The following LRP1B variants were observed in gnomAD, a reference collection of about 807,000 sequenced individuals.
LRP1B encodes the protein low-density lipoprotein receptor-related protein 1B.
A neutral mutation model predicts 556.6 loss-of-function variants in LRP1B; 217 were observed. The observed-to-expected ratio is 0.39, with a 90% CI of 0.35 to 0.44. LRP1B has a LOEUF of 0.44. Among genes scored for constraint, LRP1B ranks in the 20% least tolerant of loss-of-function variants. The probability of loss-of-function intolerance (pLI) is 1.00; values close to 1 mark genes in which losing one functional copy is unlikely to be tolerated. For synonymous variants in LRP1B, 2,047 were observed against 1,865.8 expected (o/e 1.10, Z -2.50); for missense variants, 5,053 against 5,620.8 (o/e 0.90, Z 3.23).
At chr2:140,239,664 C>A in intron 87 of LRP1B, 132 bp from the exon 88 acceptor site, 1 of 515,722 alleles carries the variant, frequency 1.9e-6, no homozygotes, top group South Asian at 3.5e-5. Context: ...GTTTATATTT[C>A]GGGTTCATAA....
chr2:141,012,199 G>A (rs1416418204), intron 14 of LRP1B, among the ~76,000 whole-genome samples: 2 of 151,948 alleles, frequency 1.3e-5, no homozygotes, highest in African/African-American at 4.8e-5. Flanking sequence ...GCAACTGGAA[G>A]CTTAAAAACT....
Position 140,297,986 on chromosome 2 carries a change from G to T in LRP1B, c.12806-17C>A, listed in dbSNP as rs1401254577. ...TGGGTCTCCCTATTGGAAACAATAA[G>T]TAATAAAAAGCAAATTATTCAACCA... On this transcript the variant is annotated splice_polypyrimidine_tract_variant and intron_variant, in intron 83 of 90. Transcript: ENST00000389484. The T allele has an allele frequency of 1.3e-6, 2 of 1,561,574 alleles. No homozygotes were observed. Among genetic ancestry groups the T allele is most frequent in the Non-Finnish European group, 1.7e-6 (2 of 1,146,238 alleles).
In LRP1B at chr2:140,818,042, A is replaced by T. The variant is rs537658741; in HGVS notation, c.5210-4236T>A. Among the ~76,000 whole-genome samples the T allele has an allele frequency of 4.2e-3, 634 of 151,834 alleles. 2 individuals carry two copies. Among genetic ancestry groups the T allele is most frequent in the African/African-American group, 0.015 (610 of 41,494 alleles). On this transcript the variant is annotated intron_variant, in intron 31 of 90. Transcript: ENST00000389484. Reference sequence around the variant, plus strand: ...CAGGTAATTTTGTGATATACAATTTAAAAAAAATTGTGTTAAACATTGCAT... The same window carrying T: ...CAGGTAATTTTGTGATATACAATTTTAAAAAAATTGTGTTAAACATTGCAT...
chr2:141,635,170 G>T (rs562096726), intron 2 of LRP1B, among the ~76,000 whole-genome samples: 1 of 151,822 alleles, frequency 6.6e-6, no homozygotes, highest in Non-Finnish European at 1.5e-5. Flanking sequence ...GCTGTTTTAG[G>T]ATTATACGTA....
intron 66 of LRP1B, among the ~76,000 whole-genome samples, chr2:140,386,715 C>T (rs1158848151): frequency 2.6e-5 from 4 of 152,182 alleles, no homozygotes; most frequent in South Asian, 2.1e-4. Context: ...TTAAATGGCA[C>T]AGCCAATATA....
chr2:141,897,999 C>T (rs1284616421), intron 1 of LRP1B, among the ~76,000 whole-genome samples: 1 of 152,098 alleles, frequency 6.6e-6, no homozygotes, highest in Admixed American at 6.6e-5. Flanking sequence ...TCTTATTGGG[C>T]CCAAATATCT....
intron 35 of LRP1B, among the ~76,000 whole-genome samples, chr2:140,742,932 G>T (rs938828638): frequency 1.3e-5 from 2 of 151,994 alleles, no homozygotes; most frequent in African/African-American, 4.8e-5. Context: ...TATTTAAAAG[G>T]CAAAACGGGT....
intron 59 of LRP1B, among the ~76,000 whole-genome samples, chr2:140,484,072 C>G (rs1455471905): frequency 1.3e-5 from 2 of 152,088 alleles, no homozygotes; most frequent in Non-Finnish European, 2.9e-5. Context: ...TATAAAGAGA[C>G]TTTCTAGTGA....
At chr2:141,005,487 A>G (rs2105374163) in intron 14 of LRP1B, 30 bp from the exon 15 acceptor site, 1 of 1,605,798 alleles carries the variant, frequency 6.2e-7, no homozygotes, top group Non-Finnish European at 8.5e-7. Flanking sequence ...AATGTGTCAG[A>G]GAACTCTGAT....
At chr2:140,364,503 C>T (rs1220176888) in intron 72 of LRP1B, among the ~76,000 whole-genome samples, 158 bp downstream of exon 72, 2 of 151,582 alleles carry the variant, frequency 1.3e-5, no homozygotes, top group African/African-American at 4.8e-5. Context: ...CGGATTATCC[C>T]TTTATTACCT....
chr2:141,186,863 T>G (rs1681280909), intron 7 of LRP1B, among the ~76,000 whole-genome samples: 1 of 152,030 alleles, frequency 6.6e-6, no homozygotes, highest in Non-Finnish European at 1.5e-5. Context: ...CAGTTTTATT[T>G]GAAAAGGGCC....
chr2:142,054,185 G>A (rs1253248016), intron 1 of LRP1B, among the ~76,000 whole-genome samples: 1 of 152,022 alleles, frequency 6.6e-6, no homozygotes, highest in Non-Finnish European at 1.5e-5. Flanking sequence ...TGACATATTG[G>A]AGGATGGTAA....
Position 140,345,861 on chromosome 2 carries a change from CAT to C in LRP1B, c.11892+4934_11892+4935del, listed in dbSNP as rs200666839. On this transcript the variant is annotated intron_variant, in intron 77 of 90. Coordinates refer to ENST00000389484, the MANE Select transcript of LRP1B (RefSeq NM_018557.3). ...ATACACATACACACACACACACACACATATATATATATATATAAAAAAAATAG... is the reference window on the plus strand; with the variant it reads ...ATACACATACACACACACACACACACATATATATATATATAAAAAAAATAG... Among the ~76,000 whole-genome samples the C allele has an allele frequency of 0.012, 1,672 of 137,852 alleles. 63 individuals carry two copies. In the East Asian group the frequency reaches 0.13, roughly 11 times the overall value. 90.4% of individuals were successfully genotyped at this position (137,852 alleles called of 152,430 possible).
At chr2:140,632,707 C>CA (rs1683930343) in intron 41 of LRP1B, among the ~76,000 whole-genome samples, 1 of 152,058 alleles carries the variant, frequency 6.6e-6, no homozygotes, top group African/African-American at 2.4e-5. Context: ...AATTAAAAGG[C>CA]AAAGATTGTC....
chr2:141,213,024 T>C (rs1484912021), intron 6 of LRP1B, among the ~76,000 whole-genome samples: 1 of 152,144 alleles, frequency 6.6e-6, no homozygotes, highest in African/African-American at 2.4e-5. Flanking sequence ...TGGAGTACAG[T>C]GGTTCAATCA....
At chr2:140,959,910 G>T (rs79018335) in intron 18 of LRP1B, among the ~76,000 whole-genome samples, 2,381 of 151,716 alleles carry the variant, frequency 0.016, 76 homozygotes, top group East Asian at 0.14. Flanking sequence ...ATTCACTATA[G>T]CAGTATATAA....
intron 35 of LRP1B, among the ~76,000 whole-genome samples, chr2:140,742,776 T>A: frequency 6.6e-6 from 1 of 152,012 alleles, no homozygotes; most frequent in East Asian, 1.9e-4. Flanking sequence ...ACTACAATAT[T>A]TTTTCTTAAA....
chr2:141,590,365 G>C (rs1389534838), intron 2 of LRP1B, among the ~76,000 whole-genome samples: 1 of 152,032 alleles, frequency 6.6e-6, no homozygotes, highest in Non-Finnish European at 1.5e-5. Flanking sequence ...TGAGACAAAG[G>C]CTGAATTTTA....
intron 2 of LRP1B, among the ~76,000 whole-genome samples, chr2:141,634,747 C>T (rs192353288): frequency 6.6e-6 from 1 of 151,638 alleles, no homozygotes; most frequent in Non-Finnish European, 1.5e-5. Flanking sequence ...GGTTATTTAC[C>T]TTTTTAGACT....
Sources: allele counts gnomAD v4.1 joint callset (sites outside exome capture counted in the v4.1 genomes callset), GRCh38; gene constraint gnomAD v4.1.1; transcripts MANE v1.5; gene names NCBI Gene and HGNC (gene_info 2026-07-23, HGNC 2026-07-21).